Variants in ANKRD18B observed in about 807,000 individuals in gnomAD.
ANKRD18B encodes the protein ankyrin repeat domain-containing protein 18B.
ANKRD18B carries 75 observed loss-of-function variants against 111.8 expected under a neutral mutation model. The ratio of observed to expected loss-of-function variants is 0.67; its 90% CI spans 0.56 to 0.81. The LOEUF (loss-of-function observed/expected upper bound fraction) is 0.81. Ranked by LOEUF, ANKRD18B falls within the 40% of genes least tolerant of loss-of-function variation. The probability of loss-of-function intolerance (pLI) is 0.00; values close to 1 mark genes in which losing one functional copy is unlikely to be tolerated. For synonymous variants in ANKRD18B, 356 were observed against 417.3 expected (o/e 0.85, Z 1.79); for missense variants, 1,038 against 1,225.5 (o/e 0.85, Z 2.28).
At chr9:33,573,493 C>A (rs1428512638), downstream of ANKRD18B, among the ~76,000 whole-genome samples, 2 of 144,982 alleles carry the variant, frequency 1.4e-5, no homozygotes, top group African/African-American at 2.4e-5. Context: ...CCCACTCTGA[C>A]ACTCAGGAAT....
chr9:33,537,412 ATTT>A (rs979072378), intron 6 of ANKRD18B, among the ~76,000 whole-genome samples: 2 of 152,176 alleles, frequency 1.3e-5, no homozygotes, highest in African/African-American at 4.8e-5. Context: ...ATTCAGAGTT[ATTT>A]AAGAAGTTGT....
intron 3 of ANKRD18B, 108 bp downstream of exon 3, chr9:33,529,281 G>T (rs1828076945): frequency 2.1e-6 from 3 of 1,404,292 alleles, no homozygotes; most frequent in Non-Finnish European, 2.8e-6. Context: ...AAAATGTTTT[G>T]AAATAACTTA....
At position 33,548,268 on chromosome 9, in the gene ANKRD18B, C is replaced by T. The variant is rs570983968; in HGVS notation, c.1480C>T (p.His494Tyr). The T allele has an allele frequency of 2.0e-4, 304 of 1,551,116 alleles. No homozygotes were observed. Among genetic ancestry groups the T allele is most frequent in the Non-Finnish European group, 2.5e-4 (292 of 1,146,680 alleles). ...ERLEAEVESL[H>Y]SNLATAINEY... ...ACTAGAAGCTGAAGTTGAATCCCTC[C>T]ATTCTAACTTGGCCACTGCTATAAA... Residue 494 changes from histidine to tyrosine, a missense_variant, in exon 11 of 19, where the codon CAT (histidine) becomes TAT (tyrosine). His to Tyr is a moderately conservative substitution (Grantham distance 83). Around this residue, in one of 4 missense-constraint regions of ANKRD18B, gnomAD observed 205 missense variants for 201.3 expected, o/e 1.02. Coordinates refer to ENST00000684830, the MANE Select transcript of ANKRD18B (RefSeq NM_001393611.1).
intron 14 of ANKRD18B, among the ~76,000 whole-genome samples, chr9:33,559,487 T>C (rs1828575340): frequency 6.6e-6 from 1 of 152,106 alleles, no homozygotes; most frequent in East Asian, 1.9e-4. Flanking sequence ...ATAAAACCCA[T>C]CTGATGAGAT....
At chr9:33,535,451 A>C (rs1470310287) in intron 5 of ANKRD18B, among the ~76,000 whole-genome samples, 1 of 151,700 alleles carries the variant, frequency 6.6e-6, no homozygotes, top group African/African-American at 2.4e-5. Flanking sequence ...ATCCCTGGCT[A>C]ATTTTTTTTG....
At chr9:33,572,218 T>A (rs977669270) in intron 18 of ANKRD18B, 98 bp from the exon 19 acceptor site, 2 of 895,134 alleles carry the variant, frequency 2.2e-6, no homozygotes, top group African/African-American at 3.4e-5. Context: ...CTCATTCTTA[T>A]TAACTCTGAT....
At chr9:33,553,807 G>A (rs1229129047) in intron 12 of ANKRD18B, among the ~76,000 whole-genome samples, 3 of 152,158 alleles carry the variant, frequency 2.0e-5, no homozygotes, top group South Asian at 2.1e-4. Context: ...GCTGGGTGCC[G>A]TGGCTCACAT....
Position 33,563,684 on chromosome 9 carries a change from A to T in ANKRD18B, c.2461-2535A>T, listed in dbSNP as rs375012141. Reference sequence around the variant, plus strand: ...ACATGTATATACATAATTATGGGCTATAGGGTGACATTTTGATAAATTTAT... The same window carrying T: ...ACATGTATATACATAATTATGGGCTTTAGGGTGACATTTTGATAAATTTAT... On this transcript the variant is annotated intron_variant, in intron 14 of 18. Transcript: ENST00000684830. Among the ~76,000 whole-genome samples, 174 of 150,624 alleles carry T rather than the reference A, an allele frequency of 1.2e-3. 7 individuals are homozygous for T. The East Asian group carries it at 0.027, about 24-fold the overall frequency.
intron 1 of ANKRD18B, among the ~76,000 whole-genome samples, chr9:33,526,323 C>T (rs1409939603): frequency 6.6e-6 from 1 of 152,112 alleles, no homozygotes; most frequent in Non-Finnish European, 1.5e-5. Flanking sequence ...GGTATGTGGC[C>T]ATTGAAGGTG....
At chr9:33,549,590 T>A (rs1294946804) in intron 11 of ANKRD18B, among the ~76,000 whole-genome samples, 1 of 152,190 alleles carries the variant, frequency 6.6e-6, no homozygotes, top group Non-Finnish European at 1.5e-5. Context: ...TTGCTGTGTC[T>A]TGTGATGCTT....
intron 13 of ANKRD18B, 61 bp downstream of exon 13, chr9:33,555,881 A>C (rs986354554): frequency 3.6e-5 from 40 of 1,104,660 alleles, no homozygotes; most frequent in Non-Finnish European, 1.1e-5. Flanking sequence ...CTCTAACTTT[A>C]CTTGACTAAA....
At chr9:33,550,878 A>G (rs1000332506) in intron 12 of ANKRD18B, among the ~76,000 whole-genome samples, 37 of 152,186 alleles carry the variant, frequency 2.4e-4, no homozygotes, top group Non-Finnish European at 4.7e-4. Context: ...ATTTTTAGAT[A>G]ATTTCCTTAA....
chr9:33,568,619 A>C, intron 16 of ANKRD18B, 52 bp from the exon 17 acceptor site: 3 of 1,423,620 alleles, frequency 2.1e-6, no homozygotes, highest in Non-Finnish European at 2.8e-6. Context: ...GTCATTAAGA[A>C]TCATTCAAGG....
chr9:33,534,485 G>C lies in ANKRD18B; in HGVS notation c.718G>C (p.Ala240Pro). 1 of 1,545,904 alleles carries C rather than the reference G, an allele frequency of 6.5e-7. No homozygotes were observed. Among genetic ancestry groups the C allele is most frequent in the Non-Finnish European group, 8.7e-7 (1 of 1,145,414 alleles). ...DMFGQTAEDY[A>P]FCCDLRSIQQ... ...GTTTGGCCAAACTGCCGAGGATTAT[G>C]CTTTTTGTTGTGATTTGAGAAGGTA... is the stretch of plus-strand genomic sequence containing the variant. The change falls in exon 5 of 19, where the codon GCT (alanine) becomes CCT (proline). Residue 240 changes from alanine (A) to proline (P), a missense_variant. Ala to Pro is a conservative substitution (Grantham distance 27, BLOSUM62 -1). Around this residue, in one of 4 missense-constraint regions of ANKRD18B, gnomAD observed 93 missense variants for 141.3 expected, o/e 0.66. Transcript: ENST00000684830.
intron 14 of ANKRD18B, among the ~76,000 whole-genome samples, chr9:33,565,326 T>C (rs1004255623): frequency 1.8e-4 from 28 of 152,328 alleles, no homozygotes; most frequent in African/African-American, 5.8e-4. Context: ...GCTGTAAATA[T>C]GTGGATTTGT....
intron 1 of ANKRD18B, among the ~76,000 whole-genome samples, chr9:33,526,244 A>G (rs1828023520): frequency 6.6e-6 from 1 of 152,222 alleles, no homozygotes; most frequent in African/African-American, 2.4e-5. Flanking sequence ...GTATTAAAAT[A>G]CCTTCAGAAA....
intron 3 of ANKRD18B, among the ~76,000 whole-genome samples, chr9:33,532,313 C>A (rs1216048596): frequency 1.3e-5 from 2 of 151,932 alleles, no homozygotes; most frequent in African/African-American, 4.8e-5. Flanking sequence ...AGTATTAGAA[C>A]TTTTTTTGAT....
intron 12 of ANKRD18B, among the ~76,000 whole-genome samples, chr9:33,552,803 A>G (rs890126853): frequency 3.4e-4 from 52 of 151,410 alleles, no homozygotes; most frequent in African/African-American, 1.2e-3. Context: ...CACTATGTAC[A>G]TGTACTCTTC....
At chr9:33,563,266 A>G (rs559045199) in intron 14 of ANKRD18B, among the ~76,000 whole-genome samples, 2 of 152,300 alleles carry the variant, frequency 1.3e-5, no homozygotes, top group African/African-American at 4.8e-5. Context: ...CTTAAAAGAA[A>G]AACATTTATT....
Sources: gnomAD v4.1 joint callset for allele counts (sites outside exome capture counted in the v4.1 genomes callset) on GRCh38, gnomAD v4.1.1 for gene constraint, gnomAD v4.1.1 regional missense constraint, MANE v1.5 for transcripts, NCBI Gene and HGNC (gene_info 2026-07-23, HGNC 2026-07-21) for gene names.